The following SGCZ variants were observed in gnomAD, a reference collection of about 807,000 sequenced individuals.
SGCZ encodes the protein sarcoglycan zeta.
SGCZ carries 40 observed loss-of-function variants against 41.3 expected under a neutral mutation model. The observed-to-expected ratio is 0.97, with a 90% CI of 0.75 to 1.26. The LOEUF (loss-of-function observed/expected upper bound fraction) is 1.26, where lower values mean the gene tolerates loss of function less well. SGCZ is among the 50% of genes most tolerant of loss of function. The pLI, the probability that SGCZ is intolerant of heterozygous loss-of-function variation, is 0.00. For missense variants in SGCZ, 552 were observed against 369.8 expected (o/e 1.49, Z -4.04); for synonymous variants, 206 against 137.5 (o/e 1.50, Z -3.49).
intron 1 of SGCZ, among the ~76,000 whole-genome samples, chr8:14,973,903 T>C (rs778601847): frequency 4.6e-5 from 7 of 152,196 alleles, no homozygotes; most frequent in African/African-American, 1.7e-4. Context: ...TAATTTTATG[T>C]ACATGACATA....
At chr8:15,182,575 T>C (rs1435111393) in intron 1 of SGCZ, among the ~76,000 whole-genome samples, 1 of 152,130 alleles carries the variant, frequency 6.6e-6, no homozygotes, top group East Asian at 1.9e-4. Flanking sequence ...CATAAAAGAT[T>C]TTTTTAAGTG....
chr8:14,923,699 G>A (rs1429211188), intron 1 of SGCZ, among the ~76,000 whole-genome samples: 4 of 152,190 alleles, frequency 2.6e-5, no homozygotes, highest in Admixed American at 6.5e-5. Context: ...AACAATTGTT[G>A]CTGTTTAGTC....
chr8:14,895,935 T>C (rs1308102663), intron 1 of SGCZ, among the ~76,000 whole-genome samples: 1 of 152,234 alleles, frequency 6.6e-6, no homozygotes, highest in African/African-American at 2.4e-5. Flanking sequence ...GGGTTGAGAC[T>C]CACTTTAGTA....
intron 2 of SGCZ, among the ~76,000 whole-genome samples, chr8:14,340,075 C>A (rs997527515): frequency 1.3e-5 from 2 of 152,126 alleles, no homozygotes; most frequent in African/African-American, 2.4e-5. Flanking sequence ...AAAAATAAAG[C>A]AAAATCTGCT....
intron 1 of SGCZ, among the ~76,000 whole-genome samples, chr8:14,914,398 G>T (rs1049545964): frequency 6.6e-6 from 1 of 151,856 alleles, no homozygotes; most frequent in Non-Finnish European, 1.5e-5. Context: ...TAATCATCCT[G>T]TATTTATGCT....
intron 1 of SGCZ, among the ~76,000 whole-genome samples, chr8:14,855,652 AT>A (rs967649249): frequency 2.6e-5 from 4 of 152,200 alleles, no homozygotes; most frequent in Non-Finnish European, 5.9e-5. Flanking sequence ...AAGAAAACAT[AT>A]GGTCAAATTG....
chr8:14,980,864 T>TCTATCTCTATCTCTATCTATCTATCTC (rs1432708979), intron 1 of SGCZ, among the ~76,000 whole-genome samples: 2 of 152,154 alleles, frequency 1.3e-5, no homozygotes, highest in African/African-American at 4.8e-5. Context: ...TCTATCTATC[T>TCTATCTCTATCTCTATCTATCTATCTC]TTTATCTATC....
chr8:14,248,183 A>G (rs552622277), intron 3 of SGCZ, among the ~76,000 whole-genome samples: 2 of 152,328 alleles, frequency 1.3e-5, no homozygotes, highest in African/African-American at 2.4e-5. Flanking sequence ...CAAGCACTGT[A>G]CAAACATTTT....
intron 2 of SGCZ, among the ~76,000 whole-genome samples, chr8:14,549,190 T>G (rs1803723229): frequency 6.6e-6 from 1 of 151,980 alleles, no homozygotes; most frequent in Non-Finnish European, 1.5e-5. Context: ...AAGACAGGTT[T>G]TACAGTAGTT....
chr8:15,090,884 C>CT (rs776702625), intron 1 of SGCZ, among the ~76,000 whole-genome samples: 2 of 152,170 alleles, frequency 1.3e-5, no homozygotes, highest in Non-Finnish European at 2.9e-5. Flanking sequence ...AAGGGAAACG[C>CT]TAAGCAGCCA....
chr8:14,231,008 C>G (rs995162185), intron 4 of SGCZ, among the ~76,000 whole-genome samples: 4 of 151,936 alleles, frequency 2.6e-5, no homozygotes, highest in African/African-American at 9.7e-5. Flanking sequence ...AAAAATATAT[C>G]CAGACTCAAA....
At chr8:14,552,968 C>G (rs1212654589) in intron 2 of SGCZ, among the ~76,000 whole-genome samples, 1 of 151,916 alleles carries the variant, frequency 6.6e-6, no homozygotes, top group South Asian at 2.1e-4. Context: ...AATCATATTA[C>G]TGAAATTTCA....
intron 4 of SGCZ, among the ~76,000 whole-genome samples, chr8:14,228,138 C>A (rs1443729089): frequency 6.6e-6 from 1 of 152,026 alleles, no homozygotes; most frequent in Non-Finnish European, 1.5e-5. Flanking sequence ...GAACATTATG[C>A]CCCATTAACC....
At chr8:14,766,052 T>C (rs1276029599) in intron 1 of SGCZ, among the ~76,000 whole-genome samples, 1 of 144,612 alleles carries the variant, frequency 6.9e-6, no homozygotes, top group African/African-American at 2.5e-5. Context: ...AACCTCCACC[T>C]CCCGGGTTCA....
chr8:14,397,234 G>A (rs891835304), intron 2 of SGCZ, among the ~76,000 whole-genome samples: 1 of 152,012 alleles, frequency 6.6e-6, no homozygotes, highest in African/African-American at 2.4e-5. Context: ...ATGAGATGAG[G>A]CTATTTATAA....
chr8:15,058,340 T>C (rs943693185), intron 1 of SGCZ, among the ~76,000 whole-genome samples: 7 of 152,150 alleles, frequency 4.6e-5, no homozygotes, highest in African/African-American at 1.4e-4. Context: ...GGTGAAAAAA[T>C]GGCAAGTTAA....
intron 2 of SGCZ, among the ~76,000 whole-genome samples, chr8:14,357,237 C>T (rs1197414186): frequency 6.6e-6 from 1 of 152,150 alleles, no homozygotes; most frequent in Non-Finnish European, 1.5e-5. Flanking sequence ...TGTTTGATCA[C>T]ACATGCTGGA....
rs533136456 is a variant in SGCZ at position 15,072,583 on chromosome 8, G to A, written c.39+165002C>T. On this transcript the variant is annotated intron_variant, in intron 1 of 7. Coordinates refer to ENST00000382080, the MANE Select transcript of SGCZ (RefSeq NM_139167.4). ...GTTGCTTTTCTAGCTAAGCTGTGTA[G>A]AAATTGGATATAGAACATTAAATTT... Among the ~76,000 whole-genome samples, 218 of 152,246 alleles carry A rather than the reference G, an allele frequency of 1.4e-3. 1 individual carries two copies. The highest frequency in any genetic ancestry group is 5.1e-3 in the African/African-American group (212 of 41,554).
At chr8:15,019,370 T>C (rs1449890659) in intron 1 of SGCZ, among the ~76,000 whole-genome samples, 1 of 152,184 alleles carries the variant, frequency 6.6e-6, no homozygotes, top group African/African-American at 2.4e-5. Flanking sequence ...CTGTGGCGTA[T>C]GCACCCGAGT....
Sources: allele counts gnomAD v4.1 joint callset (sites outside exome capture counted in the v4.1 genomes callset), GRCh38; gene constraint gnomAD v4.1.1; transcripts MANE v1.5; gene names NCBI Gene and HGNC (gene_info 2026-07-23, HGNC 2026-07-21).